ZCCHC7: variants seen among roughly 807,000 people sequenced by gnomAD.
The protein encoded by ZCCHC7 is zinc finger CCHC domain-containing protein 7.
A neutral mutation model predicts 52.0 loss-of-function variants in ZCCHC7; 35 were observed. The ratio of observed to expected loss-of-function variants is 0.67; its 90% CI spans 0.51 to 0.89. The LOEUF is 0.89. Ranked by LOEUF, ZCCHC7 falls within the 40% of genes least tolerant of loss-of-function variation. The pLI is 0.00. For synonymous variants in ZCCHC7, 217 were observed against 221.5 expected (o/e 0.98, Z 0.18); for missense variants, 574 against 649.1 (o/e 0.88, Z 1.26).
intron 2 of ZCCHC7, among the ~76,000 whole-genome samples, chr9:37,150,643 T>C (rs1251376308): frequency 6.6e-6 from 1 of 152,154 alleles, no homozygotes; most frequent in African/African-American, 2.4e-5. Flanking sequence ...GCATCACATA[T>C]AAATGTAAAT....
intron 2 of ZCCHC7, among the ~76,000 whole-genome samples, chr9:37,223,842 A>G (rs1037595451): frequency 6.6e-6 from 1 of 152,098 alleles, no homozygotes; most frequent in Non-Finnish European, 1.5e-5. Context: ...CTGAACAAAT[A>G]TTTAATAGAA....
intron 2 of ZCCHC7, among the ~76,000 whole-genome samples, chr9:37,296,349 A>G (rs1828782004): frequency 6.6e-6 from 1 of 152,238 alleles, no homozygotes; most frequent in African/African-American, 2.4e-5. Context: ...TATTACTTTT[A>G]TGGTATAACT....
At chr9:37,297,909 G>A (rs934625133) in intron 2 of ZCCHC7, among the ~76,000 whole-genome samples, 15 of 152,178 alleles carry the variant, frequency 9.9e-5, no homozygotes, top group African/African-American at 3.1e-4. Context: ...ACTAAAGCTT[G>A]GGGTGAACTA....
At chr9:37,226,101 G>A (rs903704385) in intron 2 of ZCCHC7, among the ~76,000 whole-genome samples, 1 of 152,166 alleles carries the variant, frequency 6.6e-6, no homozygotes, top group Non-Finnish European at 1.5e-5. Flanking sequence ...AAAATTTTTT[G>A]TAAGAAACAA....
chr9:37,346,140 T>C (rs561096307), intron 6 of ZCCHC7, among the ~76,000 whole-genome samples: 325 of 152,184 alleles, frequency 2.1e-3, no homozygotes, highest in Non-Finnish European at 4.0e-3. Context: ...GTAGCTGGGA[T>C]TACAGGCATG....
At chr9:37,304,598 GGTAACA>G (rs1829212606) in intron 4 of ZCCHC7, among the ~76,000 whole-genome samples, 1 of 151,884 alleles carries the variant, frequency 6.6e-6, no homozygotes, top group African/African-American at 2.4e-5. Flanking sequence ...TGGAGCTTGC[GGTAACA>G]GAGATCACAC....
In ZCCHC7 at chr9:37,303,954, C is replaced by T. The variant is rs150413744; in HGVS notation, c.655-234C>T. Among the ~76,000 whole-genome samples, 330 of 152,262 alleles carry T rather than the reference C, an allele frequency of 2.2e-3. 1 individual carries two copies. Among genetic ancestry groups the T allele is most frequent in the African/African-American group, 7.1e-3 (293 of 41,540 alleles). On this transcript the variant is annotated intron_variant, in intron 3 of 8. Coordinates refer to ENST00000336755, the MANE Select transcript of ZCCHC7 (RefSeq NM_032226.3). Reference sequence around the variant, plus strand: ...CTGGGATTACAGGCATGAGCCACCACGCCCAACCTCTACCTCTTTTTAAGA... The same window carrying T: ...CTGGGATTACAGGCATGAGCCACCATGCCCAACCTCTACCTCTTTTTAAGA...
intron 5 of ZCCHC7, chr9:37,326,199 T>TA (rs1830232566): frequency 6.6e-6 from 1 of 152,290 alleles, no homozygotes; most frequent in Admixed American, 6.5e-5. Flanking sequence ...GTACATTAGA[T>TA]ATTTGTGTGT....
At chr9:37,205,230 G>T (rs564520217) in intron 2 of ZCCHC7, 41 of 376,024 alleles carry the variant, frequency 1.1e-4, no homozygotes, top group African/African-American at 8.3e-4. Context: ...GACTCTTCCA[G>T]GTTTGCCATG....
At chr9:37,339,980 G>C (rs1461118978) in intron 6 of ZCCHC7, among the ~76,000 whole-genome samples, 3 of 152,134 alleles carry the variant, frequency 2.0e-5, no homozygotes, top group Non-Finnish European at 4.4e-5. Flanking sequence ...ATAGGACACT[G>C]AGGCAGCTCT....
chr9:37,315,114 C>T (rs1829757703), intron 5 of ZCCHC7, among the ~76,000 whole-genome samples: 2 of 146,482 alleles, frequency 1.4e-5, no homozygotes, highest in Non-Finnish European at 3.0e-5. Context: ...GATTATATTT[C>T]AGTTAAAAAA....
At chr9:37,211,558 C>A (rs563979142) in intron 2 of ZCCHC7, among the ~76,000 whole-genome samples, 1 of 151,690 alleles carries the variant, frequency 6.6e-6, no homozygotes, top group African/African-American at 2.4e-5. Flanking sequence ...AATGATAGTT[C>A]TCATTTCTGG....
rs894718280 is a variant in ZCCHC7, at chr9:37,256,632, A to G, written c.611-45556A>G. On this transcript the variant is annotated intron_variant, in intron 2 of 8. Coordinates refer to ENST00000336755, the MANE Select transcript of ZCCHC7 (RefSeq NM_032226.3). ...TAGTACATGTCTTTGAATATTCTGT[A>G]TGATGAAACGGGAAGTACTGTACAC... Among the ~76,000 whole-genome samples the G allele has an allele frequency of 3.9e-5, 6 of 152,220 alleles. No individual in the cohort carries two copies. The East Asian group carries it at 5.8e-4, about 15-fold the overall frequency.
At chr9:37,244,210 A>C (rs1267502816) in intron 2 of ZCCHC7, among the ~76,000 whole-genome samples, 1 of 151,540 alleles carries the variant, frequency 6.6e-6, no homozygotes, top group Non-Finnish European at 1.5e-5. Flanking sequence ...GAGTAAAGTT[A>C]AGTGAATTTT....
At chr9:37,260,007 T>C (rs1234685432) in intron 2 of ZCCHC7, among the ~76,000 whole-genome samples, 4 of 152,258 alleles carry the variant, frequency 2.6e-5, no homozygotes, top group Admixed American at 1.3e-4. Flanking sequence ...TGGTTTGCAA[T>C]GTTGCAGTGG....
At chr9:37,244,480 G>A in intron 2 of ZCCHC7, among the ~76,000 whole-genome samples, 1 of 151,830 alleles carries the variant, frequency 6.6e-6, no homozygotes, top group Middle Eastern at 3.4e-3. Context: ...ATCCATATGA[G>A]TTATTTAAAA....
At chr9:37,156,230 A>G (rs903315013) in intron 2 of ZCCHC7, among the ~76,000 whole-genome samples, 2 of 152,152 alleles carry the variant, frequency 1.3e-5, no homozygotes, top group African/African-American at 4.8e-5. Flanking sequence ...ATTTATTTGA[A>G]TTAAATTTCT....
intron 2 of ZCCHC7, among the ~76,000 whole-genome samples, chr9:37,224,633 ATACT>A (rs1479030535): frequency 1.3e-5 from 2 of 152,238 alleles, no homozygotes; most frequent in African/African-American, 4.8e-5. Context: ...GAAGGCAGAC[ATACT>A]GAGATCTTGG....
At chr9:37,317,423 A>G (rs1223592485) in intron 5 of ZCCHC7, among the ~76,000 whole-genome samples, 1 of 152,210 alleles carries the variant, frequency 6.6e-6, no homozygotes, top group Non-Finnish European at 1.5e-5. Context: ...AACTTAATAT[A>G]AGTATTTCCT....
Sources: gnomAD v4.1 joint callset for allele counts (sites outside exome capture counted in the v4.1 genomes callset) on GRCh38, gnomAD v4.1.1 for gene constraint, MANE v1.5 for transcripts, NCBI Gene and HGNC (gene_info 2026-07-23, HGNC 2026-07-21) for gene names.